The following EP400 variants were observed in gnomAD, a reference collection of about 807,000 sequenced individuals.
EP400 encodes E1A-binding protein p400.
Under a neutral mutation model 354.1 loss-of-function variants are expected in EP400, and 105 were observed. The observed-to-expected ratio is 0.30, with a 90% CI of 0.25 to 0.35. The LOEUF (loss-of-function observed/expected upper bound fraction) is 0.35. EP400 is among the 10% of genes least tolerant of loss of function. EP400 has a pLI of 1.00. For missense variants in EP400, 3,280 were observed against 4,121.0 expected, an observed-to-expected ratio of 0.80 and a Z score of 5.59; for synonymous variants, 1,646 against 1,716.9, an observed-to-expected ratio of 0.96 and a Z score of 1.02.
Position 132,027,018 on chromosome 12 carries a change from G to A in EP400, c.5015-419G>A, listed in dbSNP as rs1261390781. On this transcript the variant is annotated intron_variant, in intron 25 of 52. Coordinates refer to ENST00000389561, the MANE Select transcript of EP400 (RefSeq NM_015409.5). The surrounding 1 kb of genome is among the most constrained non-coding windows in gnomAD (Gnocchi z 4.9). Reference sequence around the variant, plus strand: ...GTGAGGACTGGGTGGACTTCCTGCCGGGGCTGGGCTGCTCATGGCAGGCAA... The same window carrying A: ...GTGAGGACTGGGTGGACTTCCTGCCAGGGCTGGGCTGCTCATGGCAGGCAA... Among the ~76,000 whole-genome samples the A allele has an allele frequency of 2.6e-5, 4 of 152,206 alleles. No homozygotes were observed. Among genetic ancestry groups the A allele is most frequent in the South Asian group, 2.1e-4 (1 of 4,832 alleles).
intron 2 of EP400, among the ~76,000 whole-genome samples, chr12:131,972,725 C>CTTTTTTTTTTT (rs144441438): frequency 4.1e-5 from 4 of 98,098 alleles, no homozygotes; most frequent in Non-Finnish European, 5.4e-5. Context: ...CTAACACAAC[C>CTTTTTTTTTTT]TTTTTTTTTT....
chr12:131,987,777 C>T lies in EP400; in HGVS notation c.2296C>T (p.Leu766=), dbSNP rs981474303. 9 of 1,612,700 alleles carry T rather than the reference C, an allele frequency of 5.6e-6. No individual in the cohort carries two copies. In the African/African-American group the frequency reaches 1.2e-4, roughly 22 times the overall value. ...GTGGTCCCAGAGGCGTCTGCCAAAG[C>T]TGCAGGAGGCCCCACGCCCCAAGTC... ...GLWSQRRLPK[L]QEAPRPKSHW... Residue 766 remains leucine (L), a synonymous_variant, in exon 7 of 53, where the codon CTG becomes TTG. Transcript: ENST00000389561.
At chr12:132,073,926 T>G (rs1264083704) in intron 51 of EP400, among the ~76,000 whole-genome samples, 2 of 127,036 alleles carry the variant, frequency 1.6e-5, no homozygotes, top group African/African-American at 6.3e-5. Flanking sequence ...GGGGTTTTTT[T>G]TTTTTTTTTT....
chr12:132,025,738 G>A lies in EP400; in HGVS notation c.4948G>A (p.Val1650Met). The change falls in exon 25 of 53, where the codon GTG becomes ATG. Residue 1650 changes from valine (V) to methionine (M), a missense_variant. Val to Met is a conservative substitution (Grantham distance 21). This residue lies in a region of EP400 where 459 missense variants were observed against 496.9 expected (regional missense o/e 0.92). Transcript: ENST00000389561. The surrounding 1 kb of genome is among the most constrained non-coding windows in gnomAD (Gnocchi z 4.1). The stretch of plus-strand genomic sequence containing the variant: ...GCAGACCGTGTCTCAGGCGGGCGCT[G>A]TGCACGGCGCCCTGGGAAGCAAGCC... ...VMQTVSQAGA[V>M]HGALGSKPPA... The A allele has an allele frequency of 1.9e-6, 3 of 1,612,774 alleles. No individual in the cohort carries two copies. Among genetic ancestry groups the A allele is most frequent in the Non-Finnish European group, 1.7e-6 (2 of 1,179,730 alleles).
chr12:132,027,871 C>T lies in EP400; in HGVS notation c.5110-146C>T. The T allele has an allele frequency of 1.1e-6, 1 of 887,868 alleles. No individual in the cohort carries two copies. The highest frequency in any genetic ancestry group is 1.8e-5 in the South Asian group (1 of 55,364). 55.0% of individuals were successfully genotyped at this position (887,868 alleles called of 1,614,324 possible). On this transcript the variant is annotated intron_variant, in intron 26 of 52. Transcript: ENST00000389561. The surrounding 1 kb of genome is among the most constrained non-coding windows in gnomAD (Gnocchi z 4.9). ...TTTCCTGTAGCTCTCGGCTTCATTT[C>T]TATCTCTATTTCCTGTAACACAAGA...
intron 39 of EP400, among the ~76,000 whole-genome samples, chr12:132,048,645 C>T (rs1028702216): frequency 6.6e-6 from 1 of 151,876 alleles, no homozygotes. Context: ...GCCTCAGCCT[C>T]CCGAGTAGCT....
chr12:131,962,034 T>C (rs1168186446), intron 2 of EP400, 80 bp downstream of exon 2: 30 of 1,457,796 alleles, frequency 2.1e-5, no homozygotes, highest in Non-Finnish European at 2.6e-5. Flanking sequence ...AAGTAATAAT[T>C]TATTGAGCCT....
chr12:132,077,781 A>G lies in EP400; in HGVS notation c.*108A>G. The G allele has an allele frequency of 7.7e-7, 1 of 1,307,128 alleles. No individual in the cohort carries two copies. The highest frequency in any genetic ancestry group is 1.0e-6 in the Non-Finnish European group (1 of 977,500). 81.0% of individuals were successfully genotyped at this position (1,307,128 alleles called of 1,614,324 possible). On this transcript the variant is annotated 3_prime_UTR_variant, in exon 53 of 53. Coordinates refer to ENST00000389561, the MANE Select transcript of EP400 (RefSeq NM_015409.5). ...GTCACGCAAGAGATTCAGCACTGGG[A>G]AAGATATAATTGAAACAAAATAGTG...
At chr12:131,979,178 C>T (rs968422318) in intron 2 of EP400, among the ~76,000 whole-genome samples, 1 of 151,032 alleles carries the variant, frequency 6.6e-6, no homozygotes, top group African/African-American at 2.4e-5. Context: ...CGCCACTACA[C>T]TCCAGCCTGG....
At position 132,077,750 on chromosome 12, in the gene EP400, G is replaced by A; in HGVS notation, c.*77G>A. 6.9e-7 allele frequency: 1 copy of A among 1,452,840 alleles called. No homozygotes were observed. The highest frequency in any genetic ancestry group is 9.1e-7 in the Non-Finnish European group (1 of 1,097,502). The allele number at this position is 1,452,840 out of a possible 1,614,324, so 90.0% of individuals were successfully genotyped here. A position where few individuals can be genotyped will look rare whatever the true frequency, so the allele number is the denominator to read the frequency against. On this transcript the variant is annotated 3_prime_UTR_variant, in exon 53 of 53. Transcript: ENST00000389561. Reference sequence around the variant, plus strand: ...AAAACGCTTTATTAGTGAACCTTGGGACCATGTCACGCAAGAGATTCAGCA... The same window carrying A: ...AAAACGCTTTATTAGTGAACCTTGGAACCATGTCACGCAAGAGATTCAGCA...
In EP400 at chr12:131,960,913, C is replaced by T; in HGVS notation, c.294C>T (p.Ser98=). The T allele has an allele frequency of 1.9e-6, 3 of 1,613,908 alleles. No individual in the cohort carries two copies. The highest frequency in any genetic ancestry group is 1.7e-6 in the Non-Finnish European group (2 of 1,180,014). The part of the protein sequence containing the change: ...QITLAPLPLP[S]PTSPGFQFSA... ...CACTGGCCCCACTGCCGCTCCCCAGCCCCACCTCTCCAGGCTTCCAGTTCA... is the reference window on the plus strand; with the variant it reads ...CACTGGCCCCACTGCCGCTCCCCAGTCCCACCTCTCCAGGCTTCCAGTTCA... Residue 98 remains serine, a synonymous_variant, in exon 2 of 53, where the codon AGC becomes AGT. Transcript: ENST00000389561.
intron 12 of EP400, among the ~76,000 whole-genome samples, chr12:131,999,225 G>A (rs1893324805): frequency 6.6e-6 from 1 of 152,086 alleles, no homozygotes; most frequent in Non-Finnish European, 1.5e-5. Flanking sequence ...AGTTGTAAAT[G>A]GGATAACCAG....
chr12:131,960,534 A>G lies in EP400; in HGVS notation c.-35-51A>G, dbSNP rs942848625. On this transcript the variant is annotated intron_variant, in intron 1 of 52. Coordinates refer to ENST00000389561, the MANE Select transcript of EP400 (RefSeq NM_015409.5). The stretch of plus-strand genomic sequence containing the variant: ...CTTTTCAGTGCTGTTAAGTGTCAAT[A>G]AAACAGTTATGTGTGCCTTCAAGTG... The G allele has an allele frequency of 5.5e-6, 8 of 1,467,270 alleles. No individual in the cohort carries two copies. In the African/African-American group the frequency reaches 1.1e-4, roughly 21 times the overall value. 90.9% of individuals were successfully genotyped at this position (1,467,270 alleles called of 1,614,324 possible).
chr12:132,011,387 G>A, intron 15 of EP400, 111 bp from the exon 16 acceptor site: 3 of 1,340,942 alleles, frequency 2.2e-6, no homozygotes, highest in Non-Finnish European at 3.1e-6. Flanking sequence ...TCGTGCGATG[G>A]CTCATGTGAC....
chr12:131,971,425 C>T (rs529171762), intron 2 of EP400, among the ~76,000 whole-genome samples: 1 of 152,290 alleles, frequency 6.6e-6, no homozygotes, highest in Non-Finnish European at 1.5e-5. Flanking sequence ...CTGTTGTGAA[C>T]AGTGCTGCAG....
chr12:132,048,146 A>C (rs529113444), intron 39 of EP400, among the ~76,000 whole-genome samples: 1 of 152,316 alleles, frequency 6.6e-6, no homozygotes, highest in East Asian at 1.9e-4. Context: ...TGTGCAGTTA[A>C]CAAAATCATC....
Position 132,077,710 on chromosome 12 carries a change from C to T in EP400, c.*37C>T, listed in dbSNP as rs1037907772. On this transcript the variant is annotated 3_prime_UTR_variant, in exon 53 of 53. Transcript: ENST00000389561. The stretch of plus-strand genomic sequence containing the variant: ...GGGCTGCCTCTCATCTAAAGCAAAA[C>T]TACCTTCCTCACAGAAAACGCTTTA... The T allele has an allele frequency of 3.9e-6, 6 of 1,534,776 alleles. No homozygotes were observed. Among genetic ancestry groups the T allele is most frequent in the African/African-American group, 2.8e-5 (2 of 72,248 alleles).
chr12:132,012,329 C>T (rs989526150), intron 16 of EP400, among the ~76,000 whole-genome samples: 2 of 152,168 alleles, frequency 1.3e-5, no homozygotes, highest in Non-Finnish European at 2.9e-5. Context: ...CTGTGAAGTC[C>T]AAGATCCAGA....
chr12:131,958,900 C>G (rs373784096), intron 1 of EP400, among the ~76,000 whole-genome samples: 2 of 152,176 alleles, frequency 1.3e-5, no homozygotes, highest in African/African-American at 4.8e-5. Context: ...GATGTCCTTG[C>G]GATGAACAAG....
Sources: allele counts gnomAD v4.1 joint callset (sites outside exome capture counted in the v4.1 genomes callset), GRCh38; gene constraint gnomAD v4.1.1; regional missense constraint gnomAD v4.1.1; non-coding constraint Gnocchi (gnomAD v3.1); transcripts MANE v1.5; gene names NCBI Gene and HGNC (gene_info 2026-07-23, HGNC 2026-07-21).